Variants in SEMA6A observed in about 807,000 individuals in gnomAD.
SEMA6A encodes the protein semaphorin-6A.
Under a neutral mutation model 96.8 loss-of-function variants are expected in SEMA6A, and 25 were observed. That is an observed-to-expected ratio of 0.26 (90% CI 0.19 to 0.36). The LOEUF (loss-of-function observed/expected upper bound fraction) is 0.36. Ranked by LOEUF, SEMA6A falls within the 10% of genes least tolerant of loss-of-function variation. The pLI is 1.00. For synonymous variants in SEMA6A, 612 were observed against 518.0 expected (o/e 1.18, Z -2.46); for missense variants, 1,363 against 1,323.1 (o/e 1.03, Z -0.47).
Position 116,502,302 on chromosome 5 carries a change from CACAA to C in SEMA6A, c.122_125del (p.Phe41TrpfsTer19). 1.9e-6 allele frequency: 3 copies of C among 1,613,872 alleles called. No individual in the cohort carries two copies. Among genetic ancestry groups the C allele is most frequent in the Non-Finnish European group, 2.5e-6 (3 of 1,179,844 alleles). ...TGGTGTTCCGTCCTGGCTTGTGGCCCACAAACACCGGATACTGTTTTGTATCTGT... is the reference window on the plus strand; with the variant it reads ...TGGTGTTCCGTCCTGGCTTGTGGCCCACACCGGATACTGTTTTGTATCTGT... On this transcript the variant is annotated frameshift_variant, in exon 3 of 19. Transcript: ENST00000343348. LOFTEE classifies it high-confidence loss of function.
At chr5:116,523,267 T>G (rs1759045695) in intron 1 of SEMA6A, among the ~76,000 whole-genome samples, 1 of 152,166 alleles carries the variant, frequency 6.6e-6, no homozygotes. Context: ...GTGGGTCACA[T>G]TATGCTTTTT....
chr5:116,543,429 C>A (rs1056402068), intron 1 of SEMA6A, among the ~76,000 whole-genome samples: 1 of 152,180 alleles, frequency 6.6e-6, no homozygotes. Flanking sequence ...TTAGTTTATA[C>A]TGAAAATACT....
intron 9 of SEMA6A, among the ~76,000 whole-genome samples, chr5:116,487,742 T>C (rs1260715094): frequency 1.3e-5 from 2 of 152,052 alleles, no homozygotes; most frequent in African/African-American, 4.8e-5. Context: ...CGCATGCCTG[T>C]AATCCCAGCT....
rs148732822 is a variant in SEMA6A at position 116,573,457 on chromosome 5, G to A, written c.-39+728C>T. Reference sequence around the variant, plus strand: ...GGTTGGGAGCTGCGGCGGGGGACAGGACCCATGGCGGGGGCGCCGCGTCAC... The same window carrying A: ...GGTTGGGAGCTGCGGCGGGGGACAGAACCCATGGCGGGGGCGCCGCGTCAC... On this transcript the variant is annotated intron_variant, in intron 1 of 18. Transcript: ENST00000343348. Among the ~76,000 whole-genome samples, 496 of 152,240 alleles carry A rather than the reference G, an allele frequency of 3.3e-3. 2 individuals are homozygous for A. Among genetic ancestry groups the A allele is most frequent in the Non-Finnish European group, 4.9e-3 (335 of 68,020 alleles).
chr5:116,509,602 G>A (rs1273153186), intron 1 of SEMA6A, among the ~76,000 whole-genome samples: 1 of 105,486 alleles, frequency 9.5e-6, no homozygotes, highest in Non-Finnish European at 1.8e-5. Flanking sequence ...GTGTCTCTGT[G>A]TGTGTGAGAG....
intron 10 of SEMA6A, among the ~76,000 whole-genome samples, chr5:116,483,450 C>G (rs541358575): frequency 6.6e-6 from 1 of 152,090 alleles, no homozygotes; most frequent in African/African-American, 2.4e-5. Context: ...ATGGCAAGAG[C>G]GCCCAGGACA....
intron 5 of SEMA6A, 52 bp downstream of exon 5, chr5:116,496,199 G>T: frequency 2.7e-6 from 4 of 1,459,310 alleles, no homozygotes; most frequent in Non-Finnish European, 3.8e-6. Context: ...GGAGATAACA[G>T]TCAAAAACTT....
rs77405646 is a variant in SEMA6A at position 116,461,019 on chromosome 5, G to C, written c.1894+6564C>G. 2.1e-3 allele frequency among the ~76,000 whole-genome samples: 327 copies of C among 152,128 alleles called. 12 individuals are homozygous for C. In the East Asian group the frequency reaches 0.055, roughly 26 times the overall value. On this transcript the variant is annotated intron_variant, in intron 18 of 18. Coordinates refer to ENST00000343348, the MANE Select transcript of SEMA6A (RefSeq NM_020796.5). ...AAAAGTTTAGAGCAATAAAAATTAT[G>C]ATAAATCTTTATGGGTCGTGTATAG...
At chr5:116,567,655 C>G (rs373313929) in intron 1 of SEMA6A, among the ~76,000 whole-genome samples, 1 of 152,176 alleles carries the variant, frequency 6.6e-6, no homozygotes, top group African/African-American at 2.4e-5. Flanking sequence ...AATGGCAAAA[C>G]AAATCCACGT....
At position 116,483,542 on chromosome 5, in the gene SEMA6A, T is replaced by C. The variant is rs140825923; in HGVS notation, c.963-967A>G. ...AGAGAGAATGATTTTGTCTTGAATT[T>C]TGCAAATGTTGAACAGATATAAAAA... is the stretch of plus-strand genomic sequence containing the variant. On this transcript the variant is annotated intron_variant, in intron 10 of 18. Coordinates refer to ENST00000343348, the MANE Select transcript of SEMA6A (RefSeq NM_020796.5). Among the ~76,000 whole-genome samples the C allele has an allele frequency of 3.4e-3, 513 of 152,294 alleles. 3 individuals carry two copies. The highest frequency in any genetic ancestry group is 0.012 in the African/African-American group (488 of 41,542).
rs930809835 is a variant in SEMA6A, at chr5:116,502,477, T to G, written c.101-150A>C. On this transcript the variant is annotated intron_variant, in intron 2 of 18. Coordinates refer to ENST00000343348, the MANE Select transcript of SEMA6A (RefSeq NM_020796.5). ...TCCATTTCCATATGAGTCTGTTATTTTAGGAAATATGATAGAAGAGTGCTC... is the reference window on the plus strand; with the variant it reads ...TCCATTTCCATATGAGTCTGTTATTGTAGGAAATATGATAGAAGAGTGCTC... 16 of 621,822 alleles carry G rather than the reference T, an allele frequency of 2.6e-5. 1 individual carries two copies. The highest frequency in any genetic ancestry group is 4.6e-5 in the Non-Finnish European group (16 of 347,166). 38.5% of individuals were successfully genotyped at this position (621,822 alleles called of 1,614,324 possible). A position where few individuals can be genotyped will look rare whatever the true frequency, so the allele number is the denominator to read the frequency against.
At chr5:116,478,832 A>G (rs1195177029) in intron 12 of SEMA6A, 114 bp from the exon 13 acceptor site, 15 of 966,154 alleles carry the variant, frequency 1.6e-5, no homozygotes, top group Non-Finnish European at 2.3e-5. Flanking sequence ...CAAGAAAAAT[A>G]TATGCATATA....
At chr5:116,461,580 T>C (rs1351351077) in intron 18 of SEMA6A, among the ~76,000 whole-genome samples, 1 of 152,182 alleles carries the variant, frequency 6.6e-6, no homozygotes, top group Non-Finnish European at 1.5e-5. Context: ...CTCGTCTTCC[T>C]TGTCAGGTGA....
At chr5:116,529,674 AAGAG>A (rs1024650350) in intron 1 of SEMA6A, among the ~76,000 whole-genome samples, 5 of 152,178 alleles carry the variant, frequency 3.3e-5, no homozygotes, top group Non-Finnish European at 4.4e-5. Context: ...TCAAAAAAGA[AAGAG>A]AAAGAAAGAG....
intron 1 of SEMA6A, among the ~76,000 whole-genome samples, chr5:116,560,139 C>G (rs1378921660): frequency 6.6e-6 from 1 of 152,202 alleles, no homozygotes; most frequent in Non-Finnish European, 1.5e-5. Context: ...TCCCCCTTGC[C>G]TCCCAAATAC....
At chr5:116,482,632 T>G (rs557993776) in intron 10 of SEMA6A, 57 bp from the exon 11 acceptor site, 1 of 1,582,262 alleles carries the variant, frequency 6.3e-7, no homozygotes, top group South Asian at 1.1e-5. Context: ...GCATGTGGTT[T>G]GGAACATACT....
At chr5:116,573,638 C>T (rs879556697) in intron 1 of SEMA6A, among the ~76,000 whole-genome samples, 5 of 151,660 alleles carry the variant, frequency 3.3e-5, no homozygotes, top group Non-Finnish European at 4.4e-5. Flanking sequence ...AGCCCAGACC[C>T]CACACTGACA....
At chr5:116,480,768 GGGGCTCGCTC>G (rs1477840647) in intron 11 of SEMA6A, among the ~76,000 whole-genome samples, 4 of 152,160 alleles carry the variant, frequency 2.6e-5, no homozygotes, top group African/African-American at 9.7e-5. Flanking sequence ...TTCATTACCT[GGGGCTCGCTC>G]AGAGAACATT....
chr5:116,547,844 G>A (rs1580502867), intron 1 of SEMA6A, among the ~76,000 whole-genome samples: 1 of 151,324 alleles, frequency 6.6e-6, no homozygotes, highest in Non-Finnish European at 1.5e-5. Context: ...GTTAATTAAG[G>A]TATATTATAC....
Sources: gnomAD v4.1 joint callset for allele counts (sites outside exome capture counted in the v4.1 genomes callset) on GRCh38, gnomAD v4.1.1 for gene constraint, MANE v1.5 for transcripts, NCBI Gene and HGNC (gene_info 2026-07-23, HGNC 2026-07-21) for gene names.